B3GLCT: variants seen among roughly 807,000 people sequenced by gnomAD.
B3GLCT encodes beta-1,3-glucosyltransferase.
A neutral mutation model predicts 63.4 loss-of-function variants in B3GLCT; 65 were observed. The ratio of observed to expected loss-of-function variants is 1.03; its 90% CI spans 0.84 to 1.26. B3GLCT has a LOEUF of 1.26. Ranked by LOEUF, B3GLCT falls within the 50% of genes most tolerant of loss-of-function variation. The pLI, the probability that B3GLCT is intolerant of heterozygous loss-of-function variation, is 0.00. For missense variants in B3GLCT, 577 were observed against 604.8 expected (o/e 0.95, Z 0.48); for synonymous variants, 233 against 219.2 (o/e 1.06, Z -0.55).
intron 13 of B3GLCT, 87 bp downstream of exon 13, chr13:31,317,772 T>C (rs1875126219): frequency 1.3e-6 from 2 of 1,515,696 alleles, no homozygotes; most frequent in South Asian, 2.3e-5. Flanking sequence ...CTGGGATCTA[T>C]ACTGTACGTG....
chr13:31,228,851 ATTT>A (rs899457171), intron 3 of B3GLCT, among the ~76,000 whole-genome samples: 26 of 152,316 alleles, frequency 1.7e-4, no homozygotes, highest in African/African-American at 5.8e-4. Context: ...TGAAAGTTAG[ATTT>A]TCAGCTACTG....
At chr13:31,239,295 TC>T (rs534720613) in intron 4 of B3GLCT, among the ~76,000 whole-genome samples, 1 of 152,166 alleles carries the variant, frequency 6.6e-6, no homozygotes, top group South Asian at 2.1e-4. Flanking sequence ...GCTATTTTTT[TC>T]CCTGTTTTTT....
At chr13:31,242,725 A>C (rs572582251) in intron 4 of B3GLCT, among the ~76,000 whole-genome samples, 1 of 152,374 alleles carries the variant, frequency 6.6e-6, no homozygotes, top group African/African-American at 2.4e-5. Context: ...GATTTATATG[A>C]GCTATAAAAT....
chr13:31,272,205 T>C lies in B3GLCT; in HGVS notation c.661-2304T>C, dbSNP rs975973482. ...ACTTTATTTTGTGCCCCTCTCCTTA[T>C]TTTCTATTTTTCCTTTTTTTTTTTT... On this transcript the variant is annotated intron_variant, in intron 8 of 14. Coordinates refer to ENST00000343307, the MANE Select transcript of B3GLCT (RefSeq NM_194318.4). Among the ~76,000 whole-genome samples, 28 of 139,618 alleles carry C rather than the reference T, an allele frequency of 2.0e-4. No individual in the cohort carries two copies. In the Admixed American group the frequency reaches 2.3e-3, roughly 12 times the overall value. 91.6% of individuals were successfully genotyped at this position (139,618 alleles called of 152,430 possible).
At chr13:31,255,442 A>G (rs1871686934) in intron 6 of B3GLCT, among the ~76,000 whole-genome samples, 1 of 152,178 alleles carries the variant, frequency 6.6e-6, no homozygotes, top group African/African-American at 2.4e-5. Flanking sequence ...ACAGAATTGG[A>G]AAAAACTACT....
chr13:31,319,267 C>G (rs961800613), intron 13 of B3GLCT, among the ~76,000 whole-genome samples: 2 of 152,212 alleles, frequency 1.3e-5, no homozygotes, highest in African/African-American at 4.8e-5. Flanking sequence ...CCCACCACCT[C>G]TAGTTTTTCT....
chr13:31,291,377 G>A (rs972022920), intron 12 of B3GLCT, among the ~76,000 whole-genome samples: 1 of 152,176 alleles, frequency 6.6e-6, no homozygotes, highest in Non-Finnish European at 1.5e-5. Flanking sequence ...GTCAATGGTA[G>A]CTTGATGGGG....
chr13:31,216,376 C>T (rs1869564251), intron 2 of B3GLCT, among the ~76,000 whole-genome samples: 1 of 152,196 alleles, frequency 6.6e-6, no homozygotes, highest in Non-Finnish European at 1.5e-5. Flanking sequence ...ACCAAGGTCA[C>T]ATGATTTTTT....
At chr13:31,276,645 G>C (rs1872800658) in intron 9 of B3GLCT, 57 bp from the exon 10 acceptor site, 1 of 1,028,680 alleles carries the variant, frequency 9.7e-7, no homozygotes, top group African/African-American at 1.6e-5. Context: ...ATCTAGTGTG[G>C]GTGTGAAGTT....
intron 6 of B3GLCT, among the ~76,000 whole-genome samples, chr13:31,255,579 G>C (rs541645338): frequency 9.5e-4 from 144 of 152,330 alleles, no homozygotes; most frequent in African/African-American, 3.3e-3. Flanking sequence ...AACAAAAACA[G>C]CATGGTACTG....
chr13:31,273,421 G>C (rs1176848475), intron 8 of B3GLCT, among the ~76,000 whole-genome samples: 1 of 152,128 alleles, frequency 6.6e-6, no homozygotes, highest in Non-Finnish European at 1.5e-5. Context: ...GTGCTTACTT[G>C]TTTTGTGTAA....
intron 7 of B3GLCT, among the ~76,000 whole-genome samples, chr13:31,268,701 C>T (rs1022770608): frequency 1.3e-5 from 2 of 152,046 alleles, no homozygotes; most frequent in Non-Finnish European, 2.9e-5. Flanking sequence ...TCAAGACTGG[C>T]TCAGGAGTTT....
At chr13:31,232,469 A>G (rs965945073) in intron 4 of B3GLCT, among the ~76,000 whole-genome samples, 1 of 152,144 alleles carries the variant, frequency 6.6e-6, no homozygotes, top group Admixed American at 6.5e-5. Flanking sequence ...ACATCTCTCA[A>G]TAACTCACTC....
intron 5 of B3GLCT, among the ~76,000 whole-genome samples, 158 bp from the exon 6 acceptor site, chr13:31,247,697 T>C (rs1180888603): frequency 6.6e-6 from 1 of 152,238 alleles, no homozygotes; most frequent in African/African-American, 2.4e-5. Context: ...TTTAAACCAT[T>C]AGCATCTGGC....
chr13:31,239,080 G>T (rs1169348711), intron 4 of B3GLCT, among the ~76,000 whole-genome samples: 2 of 152,132 alleles, frequency 1.3e-5, no homozygotes, highest in African/African-American at 2.4e-5. Flanking sequence ...ATTGCCAGAA[G>T]GTCTGCTTTT....
rs1456527913 is a variant in B3GLCT, at chr13:31,330,564, A to G, written c.*896A>G. 1.1e-4 allele frequency: 12 copies of G among 107,520 alleles called. No individual in the cohort carries two copies. The highest frequency in any genetic ancestry group is 1.8e-4 in the Non-Finnish European group (9 of 50,808). The allele number at this position is 107,520 out of a possible 1,614,324, so 6.7% of individuals were successfully genotyped here. The stretch of plus-strand genomic sequence containing the variant: ...TGTTTTTTTTTTTTTTTTAAATGTT[A>G]CTTAATGACTCTCTCCTGACTCAGG... On this transcript the variant is annotated 3_prime_UTR_variant, in exon 15 of 15. Transcript: ENST00000343307.
chr13:31,320,202 T>C (rs1198845036), intron 13 of B3GLCT, among the ~76,000 whole-genome samples: 4 of 152,220 alleles, frequency 2.6e-5, no homozygotes, highest in Non-Finnish European at 4.4e-5. Context: ...TGGCTTCTCA[T>C]TGTCTTTTCT....
chr13:31,268,663 A>G (rs1048021038), intron 7 of B3GLCT, among the ~76,000 whole-genome samples: 1 of 152,112 alleles, frequency 6.6e-6, no homozygotes, highest in African/African-American at 2.4e-5. Context: ...CTGTGATGCT[A>G]GAGATGGTCA....
At chr13:31,292,301 G>A (rs1225422079) in intron 12 of B3GLCT, among the ~76,000 whole-genome samples, 1 of 152,118 alleles carries the variant, frequency 6.6e-6, no homozygotes, top group Non-Finnish European at 1.5e-5. Context: ...CCAGGTTTTA[G>A]TATCAGAATG....
Sources: gnomAD v4.1 joint callset for allele counts (sites outside exome capture counted in the v4.1 genomes callset) on GRCh38, gnomAD v4.1.1 for gene constraint, MANE v1.5 for transcripts, NCBI Gene and HGNC (gene_info 2026-07-23, HGNC 2026-07-21) for gene names.